Variants in TTC27 observed in about 807,000 individuals in gnomAD.
TTC27 encodes tetratricopeptide repeat protein 27.
Under a neutral mutation model 115.9 loss-of-function variants are expected in TTC27, and 79 were observed. The ratio of observed to expected loss-of-function variants is 0.68; its 90% CI spans 0.57 to 0.82. The LOEUF (loss-of-function observed/expected upper bound fraction) is 0.82. TTC27 is among the 40% of genes least tolerant of loss of function. TTC27 has a pLI of 0.00. For synonymous variants in TTC27, 401 were observed against 356.0 expected, an observed-to-expected ratio of 1.13 and a Z score of -1.42; for missense variants, 1,054 against 993.1, an observed-to-expected ratio of 1.06 and a Z score of -0.82.
intron 11 of TTC27, 63 bp from the exon 12 acceptor site, chr2:32,736,631 A>G (rs988961616): frequency 6.2e-7 from 1 of 1,600,302 alleles, no homozygotes; most frequent in Non-Finnish European, 8.5e-7. Context: ...GTACACCTGC[A>G]AGTGAAACAG....
intron 2 of TTC27, among the ~76,000 whole-genome samples, chr2:32,633,002 A>G (rs752308381): frequency 9.9e-5 from 15 of 152,268 alleles, no homozygotes; most frequent in Non-Finnish European, 1.9e-4. Context: ...ACTGAAAAAT[A>G]GAGTTTTCAC....
intron 4 of TTC27, among the ~76,000 whole-genome samples, chr2:32,646,322 C>T (rs934632294): frequency 6.6e-6 from 1 of 152,070 alleles, no homozygotes; most frequent in African/African-American, 2.4e-5. Context: ...GCCACCATGC[C>T]TGGCTCAATT....
At chr2:32,731,552 A>AT (rs1377925397) in intron 10 of TTC27, among the ~76,000 whole-genome samples, 3 of 151,140 alleles carry the variant, frequency 2.0e-5, no homozygotes, top group African/African-American at 7.3e-5. Context: ...TTTTTTAACG[A>AT]TTTTTTTGTG....
chr2:32,717,024 G>C (rs1325573807), intron 10 of TTC27, among the ~76,000 whole-genome samples: 1 of 123,694 alleles, frequency 8.1e-6, no homozygotes, highest in Non-Finnish European at 1.7e-5. Flanking sequence ...TTTTTTTTTT[G>C]AGACAGTCTT....
chr2:32,636,254 C>T (rs1410635456), intron 3 of TTC27, among the ~76,000 whole-genome samples: 1 of 152,162 alleles, frequency 6.6e-6, no homozygotes, highest in South Asian at 2.1e-4. Context: ...CACTCTGTCG[C>T]CCAGGCTGGA....
Position 32,708,304 on chromosome 2 carries a change from GT to G in TTC27, c.1233+5406del, listed in dbSNP as rs1158508588. ...AATAGCGTTTTCTTTTCTCTACCTT[GT>G]TTTTTTTTTTTTTTTTTTTTTAATG... On this transcript the variant is annotated intron_variant, in intron 10 of 19. Transcript: ENST00000317907. Among the ~76,000 whole-genome samples the G allele has an allele frequency of 3.7e-3, 228 of 61,346 alleles. 4 individuals carry two copies. The highest frequency in any genetic ancestry group is 7.2e-3 in the African/African-American group (110 of 15,352). The allele number at this position is 61,346 out of a possible 152,430, so 40.2% of individuals were successfully genotyped here. A position where few individuals can be genotyped will look rare whatever the true frequency, so the allele number is the denominator to read the frequency against.
chr2:32,719,310 C>T (rs183657327), intron 10 of TTC27, among the ~76,000 whole-genome samples: 150 of 152,178 alleles, frequency 9.9e-4, no homozygotes, highest in African/African-American at 3.5e-3. Flanking sequence ...GGAGAGGCAC[C>T]TAGTCATCAA....
At chr2:32,635,526 A>C (rs1308626359) in intron 3 of TTC27, among the ~76,000 whole-genome samples, 4 of 152,094 alleles carry the variant, frequency 2.6e-5, no homozygotes, top group African/African-American at 9.7e-5. Context: ...CTTACTAAAA[A>C]TACAAAAATT....
intron 5 of TTC27, among the ~76,000 whole-genome samples, chr2:32,663,985 C>G (rs1665663010): frequency 6.8e-6 from 1 of 146,776 alleles, no homozygotes; most frequent in South Asian, 2.1e-4. Flanking sequence ...GCCCGTCCCC[C>G]CACTATTTTT....
Position 32,812,619 on chromosome 2 carries a change from T to C in TTC27, c.2308+4T>C, listed in dbSNP as rs755132584. 21 of 1,599,872 alleles carry C rather than the reference T, an allele frequency of 1.3e-5. No homozygotes were observed. Among genetic ancestry groups the C allele is most frequent in the Non-Finnish European group, 1.6e-5 (19 of 1,167,406 alleles). Reference sequence around the variant, plus strand: ...AGAGCCTTAGGACTTGCACATGGTATTTGATGTAACATTTGATATCCATGG... The same window carrying C: ...AGAGCCTTAGGACTTGCACATGGTACTTGATGTAACATTTGATATCCATGG... On this transcript the variant is annotated splice_donor_region_variant and intron_variant, in intron 18 of 19. Transcript: ENST00000317907.
intron 9 of TTC27, among the ~76,000 whole-genome samples, chr2:32,697,157 A>G (rs1382615400): frequency 1.3e-5 from 2 of 150,952 alleles, no homozygotes; most frequent in African/African-American, 4.9e-5. Flanking sequence ...GCACCACTGC[A>G]CTCTAGCTTG....
rs181641231 is a variant in TTC27 at position 32,754,069 on chromosome 2, A to G, written c.1453-4223A>G. Among the ~76,000 whole-genome samples the G allele has an allele frequency of 1.8e-3, 278 of 151,992 alleles. 6 individuals carry two copies. The East Asian group carries it at 0.045, about 25-fold the overall frequency. On this transcript the variant is annotated intron_variant, in intron 12 of 19. Transcript: ENST00000317907. Reference sequence around the variant, plus strand: ...GCCTGGGCGACAGAAGCAAGACTCCATCTCAAAAATAAAAATAAAATAAAA... The same window carrying G: ...GCCTGGGCGACAGAAGCAAGACTCCGTCTCAAAAATAAAAATAAAATAAAA...
At chr2:32,676,493 G>GTTT (rs5830238) in intron 8 of TTC27, among the ~76,000 whole-genome samples, 2,990 of 133,842 alleles carry the variant, frequency 0.022, 68 homozygotes, top group Middle Eastern at 0.056. Flanking sequence ...TTTTCATTCT[G>GTTT]TTTTTTTTTT....
chr2:32,702,973 A>T, intron 10 of TTC27, 53 bp downstream of exon 10: 3 of 1,228,886 alleles, frequency 2.4e-6, no homozygotes, highest in Non-Finnish European at 3.6e-6. Flanking sequence ...TATTGCTATC[A>T]GTAAGCATAC....
rs35147508 is a variant in TTC27 at position 32,787,106 on chromosome 2, A to T, written c.1955A>T (p.Tyr652Phe). 553 of 1,613,802 alleles carry T rather than the reference A, an allele frequency of 3.4e-4. No homozygotes were observed. The highest frequency in any genetic ancestry group is 4.5e-4 in the Non-Finnish European group (531 of 1,179,958). The change falls in exon 16 of 20, where the codon TAT (tyrosine) becomes TTT (phenylalanine). Residue 652 changes from tyrosine (Y) to phenylalanine (F), a missense_variant. Physicochemically the swap from Tyr to Phe is conservative, Grantham distance 22. Coordinates refer to ENST00000317907, the MANE Select transcript of TTC27 (RefSeq NM_017735.5). ...GAATTTTCAGAAGCCATTAAAGCTT[A>T]TCACCGGCTCTTGGACTTACGTGAC... ...VGEFSEAIKA[Y>F]HRLLDLRDKY...
At chr2:32,805,267 A>G (rs776822998) in intron 16 of TTC27, among the ~76,000 whole-genome samples, 1 of 152,214 alleles carries the variant, frequency 6.6e-6, no homozygotes, top group African/African-American at 2.4e-5. Flanking sequence ...ACATGTGCTC[A>G]CAGAGCATGT....
rs762872563 is a variant in TTC27, at chr2:32,645,586, A to G, written c.538-4545A>G. Among the ~76,000 whole-genome samples, 32 of 152,064 alleles carry G rather than the reference A, an allele frequency of 2.1e-4. 1 individual carries two copies. The highest frequency in any genetic ancestry group is 4.3e-4 in the Non-Finnish European group (29 of 68,022). On this transcript the variant is annotated intron_variant, in intron 4 of 19. Coordinates refer to ENST00000317907, the MANE Select transcript of TTC27 (RefSeq NM_017735.5). ...TATTATGCTTTAAGTTTTAGGGTAC[A>G]TGTGCACAATGTGCAGGTTTGTTAT...
chr2:32,657,347 GTCTT>G lies in TTC27; in HGVS notation c.641-6950_641-6947del, dbSNP rs1253614970. On this transcript the variant is annotated intron_variant, in intron 5 of 19. Coordinates refer to ENST00000317907, the MANE Select transcript of TTC27 (RefSeq NM_017735.5). ...CTTAAATGGACCGTAGAAAAACACT[GTCTT>G]TCTTTTTTTTTTTTTTTTTTGAGAC... 2.5e-3 allele frequency among the ~76,000 whole-genome samples: 369 copies of G among 145,482 alleles called. 3 individuals carry two copies. The highest frequency in any genetic ancestry group is 9.0e-3 in the African/African-American group (355 of 39,482).
Position 32,678,934 on chromosome 2 carries a change from C to CTT in TTC27, c.1119+16_1119+17dup. 1 of 1,608,842 alleles carries CTT rather than the reference C, an allele frequency of 6.2e-7. No individual in the cohort carries two copies. The highest frequency in any genetic ancestry group is 1.3e-5 in the African/African-American group (1 of 74,854). On this transcript the variant is annotated intron_variant, in intron 9 of 19. Coordinates refer to ENST00000317907, the MANE Select transcript of TTC27 (RefSeq NM_017735.5). ...TGGCATTTACATCAGTGAGTAATGT[C>CTT]TTTTTCTCTTCCATTTCATTTTTTT...
Sources: allele counts gnomAD v4.1 joint callset (sites outside exome capture counted in the v4.1 genomes callset), GRCh38; gene constraint gnomAD v4.1.1; transcripts MANE v1.5; gene names NCBI Gene and HGNC (gene_info 2026-07-23, HGNC 2026-07-21).